Variants in SLIT2 observed in about 807,000 individuals in gnomAD.
SLIT2 encodes slit homolog 2 protein.
Under a neutral mutation model 185.7 loss-of-function variants are expected in SLIT2, and 41 were observed. That is an observed-to-expected ratio of 0.22 (90% CI 0.17 to 0.29). The LOEUF (loss-of-function observed/expected upper bound fraction) is 0.29, where lower values mean the gene tolerates loss of function less well. Among genes scored for constraint, SLIT2 ranks in the 10% least tolerant of loss-of-function variants. SLIT2 has a pLI of 1.00. For synonymous variants in SLIT2, 693 were observed against 680.2 expected (o/e 1.02, Z -0.29); for missense variants, 1,571 against 1,909.0 (o/e 0.82, Z 3.30).
intron 15 of SLIT2, among the ~76,000 whole-genome samples, chr4:20,526,381 T>C (rs1477780716): frequency 2.0e-5 from 3 of 152,106 alleles, no homozygotes; most frequent in Non-Finnish European, 4.4e-5. Flanking sequence ...TTGACAATGT[T>C]TAATATTAAT....
intron 3 of SLIT2, among the ~76,000 whole-genome samples, chr4:20,263,912 T>C (rs7664347): frequency 0.66 from 99,904 of 151,588 alleles, 33,009 homozygotes; most frequent in East Asian, 0.81. Flanking sequence ...TCCATTTGAC[T>C]TTTTACGACC....
intron 26 of SLIT2, among the ~76,000 whole-genome samples, chr4:20,560,739 T>A (rs1014808732): frequency 5.3e-5 from 8 of 151,926 alleles, no homozygotes; most frequent in African/African-American, 1.9e-4. Context: ...CATATGCTAA[T>A]GAGTGAACAA....
chr4:20,509,077 T>G (rs1719468729), intron 9 of SLIT2, among the ~76,000 whole-genome samples: 1 of 151,940 alleles, frequency 6.6e-6, no homozygotes, highest in Non-Finnish European at 1.5e-5. Flanking sequence ...TCAATAAAAA[T>G]GAATTAATGT....
chr4:20,277,643 C>T (rs573682673), intron 4 of SLIT2, among the ~76,000 whole-genome samples: 14 of 150,658 alleles, frequency 9.3e-5, no homozygotes, highest in Non-Finnish European at 2.1e-4. Flanking sequence ...TGTAGGTATT[C>T]ATATGCAAGC....
intron 34 of SLIT2, among the ~76,000 whole-genome samples, chr4:20,614,124 C>A (rs144400245): frequency 9.2e-5 from 14 of 152,222 alleles, no homozygotes; most frequent in African/African-American, 3.1e-4. Flanking sequence ...CCACCCACCT[C>A]GGCCTCCCAA....
chr4:20,495,016 G>A (rs912992301), intron 9 of SLIT2, among the ~76,000 whole-genome samples: 1 of 152,058 alleles, frequency 6.6e-6, no homozygotes, highest in Admixed American at 6.6e-5. Context: ...AATGATCTCC[G>A]GAGGCAAATA....
chr4:20,287,742 T>C (rs2109071573), intron 4 of SLIT2, among the ~76,000 whole-genome samples: 1 of 152,322 alleles, frequency 6.6e-6, no homozygotes, highest in South Asian at 2.1e-4. Context: ...CCTTCTAGAA[T>C]TCAAGCTACT....
intron 4 of SLIT2, among the ~76,000 whole-genome samples, chr4:20,359,544 A>G (rs1424495481): frequency 6.6e-6 from 1 of 152,108 alleles, no homozygotes; most frequent in Non-Finnish European, 1.5e-5. Context: ...GATTAGAGTT[A>G]GCAGTGTCAC....
At chr4:20,447,080 T>A (rs990956500) in intron 4 of SLIT2, among the ~76,000 whole-genome samples, 16 of 152,194 alleles carry the variant, frequency 1.1e-4, no homozygotes, top group Admixed American at 9.2e-4. Flanking sequence ...CTCGAGGGTG[T>A]ACCTTGCAGA....
chr4:20,360,101 C>G (rs1215735770), intron 4 of SLIT2, among the ~76,000 whole-genome samples: 3 of 152,128 alleles, frequency 2.0e-5, no homozygotes, highest in East Asian at 3.9e-4. Flanking sequence ...CACTCCCTCT[C>G]TACACTTTAA....
chr4:20,275,759 A>T (rs1413569766), intron 4 of SLIT2, among the ~76,000 whole-genome samples: 1 of 152,186 alleles, frequency 6.6e-6, no homozygotes, highest in Admixed American at 6.5e-5. Flanking sequence ...ATATAGTTTT[A>T]AAATTCATCT....
chr4:20,256,117 A>AACAG (rs1711796054), intron 1 of SLIT2, among the ~76,000 whole-genome samples: 1 of 152,224 alleles, frequency 6.6e-6, no homozygotes, highest in African/African-American at 2.4e-5. Flanking sequence ...TTTTAATACA[A>AACAG]ACAGAATTGT....
intron 12 of SLIT2, 64 bp downstream of exon 12, chr4:20,519,517 C>T (rs1720627433): frequency 1.0e-6 from 1 of 1,004,640 alleles, no homozygotes; most frequent in Non-Finnish European, 1.5e-6. Flanking sequence ...TTTGTTGTCT[C>T]ATATTTTTAT....
In SLIT2 at chr4:20,567,562, A is replaced by G; in HGVS notation, c.2895A>G (p.Pro965=). 6.2e-7 allele frequency: 1 copy of G among 1,613,416 alleles called. No homozygotes were observed. The highest frequency in any genetic ancestry group is 8.5e-7 in the Non-Finnish European group (1 of 1,179,524). ...CAATTCATGCCTGCATCAGTAACCCATGTAAACATGGAGGAACTTGCCACT... is the reference window on the plus strand; with the variant it reads ...CAATTCATGCCTGCATCAGTAACCCGTGTAAACATGGAGGAACTTGCCACT... ...DVPIHACISN[P]CKHGGTCHLK... Residue 965 remains proline (P), a synonymous_variant, in exon 28 of 37, where the codon CCA becomes CCG. Transcript: ENST00000504154.
In SLIT2 at chr4:20,508,218, C is replaced by T. The variant is rs536504057; in HGVS notation, c.915-2277C>T. On this transcript the variant is annotated intron_variant, in intron 9 of 36. Coordinates refer to ENST00000504154, the MANE Select transcript of SLIT2 (RefSeq NM_004787.4). ...CCCAGTTAGCAGGGATATGTGAAAACGAATAGAATATAGTGGAATAAGAAC... is the reference window on the plus strand; with the variant it reads ...CCCAGTTAGCAGGGATATGTGAAAATGAATAGAATATAGTGGAATAAGAAC... 8.6e-4 allele frequency among the ~76,000 whole-genome samples: 131 copies of T among 151,750 alleles called. 1 individual carries two copies. The highest frequency in any genetic ancestry group is 2.9e-3 in the African/African-American group (120 of 41,438).
At chr4:20,337,712 C>T (rs1233378994) in intron 4 of SLIT2, among the ~76,000 whole-genome samples, 1 of 152,092 alleles carries the variant, frequency 6.6e-6, no homozygotes, top group Non-Finnish European at 1.5e-5. Flanking sequence ...AAAATTGGGC[C>T]ACTAAATAGT....
intron 4 of SLIT2, among the ~76,000 whole-genome samples, chr4:20,388,888 CATAATATATATAATATATACAT>C (rs1339529950): frequency 1.5e-5 from 2 of 133,078 alleles, no homozygotes; most frequent in Non-Finnish European, 3.2e-5. Context: ...ATATATAAAA[CATAATATATATAATATATACAT>C]ATAATATATA....
At chr4:20,574,563 G>T (rs923031443) in intron 29 of SLIT2, among the ~76,000 whole-genome samples, 2 of 152,094 alleles carry the variant, frequency 1.3e-5, no homozygotes, top group Non-Finnish European at 2.9e-5. Context: ...GAGGCAGGTG[G>T]ATCCTTTGAG....
At chr4:20,496,784 G>A (rs898907804) in intron 9 of SLIT2, among the ~76,000 whole-genome samples, 1 of 152,104 alleles carries the variant, frequency 6.6e-6, no homozygotes, top group Non-Finnish European at 1.5e-5. Context: ...TATTTATTGG[G>A]TAAATGGAAT....
Sources: gnomAD v4.1 joint callset for allele counts (sites outside exome capture counted in the v4.1 genomes callset) on GRCh38, gnomAD v4.1.1 for gene constraint, MANE v1.5 for transcripts, NCBI Gene and HGNC (gene_info 2026-07-23, HGNC 2026-07-21) for gene names.